Variants in RAPGEF1 observed in about 807,000 individuals in gnomAD.
RAPGEF1 encodes the protein CRK SH3-binding GNRP.
Under a neutral mutation model 143.3 loss-of-function variants are expected in RAPGEF1, and 33 were observed. That is an observed-to-expected ratio of 0.23 (90% CI 0.17 to 0.31). RAPGEF1 has a LOEUF of 0.31. RAPGEF1 is among the 10% of genes least tolerant of loss of function. The pLI, the probability that RAPGEF1 is intolerant of heterozygous loss-of-function variation, is 1.00. For missense variants in RAPGEF1, 1,199 were observed against 1,645.4 expected (o/e 0.73, Z 4.69); for synonymous variants, 629 against 676.5 (o/e 0.93, Z 1.09).
At chr9:131,586,759 GTC>G (rs1564454887) in intron 22 of RAPGEF1, among the ~76,000 whole-genome samples, 42 of 77,516 alleles carry the variant, frequency 5.4e-4, no homozygotes, top group East Asian at 2.4e-3. Flanking sequence ...GCGAGACTCC[GTC>G]TCACACACAC....
chr9:131,581,295 G>A (rs1334698917), intron 25 of RAPGEF1, among the ~76,000 whole-genome samples: 2 of 152,114 alleles, frequency 1.3e-5, no homozygotes, highest in African/African-American at 2.4e-5. Context: ...TAAGGAGACC[G>A]ATGTGGGAGG....
rs1973119380 is a variant in RAPGEF1, at chr9:131,658,448, G to A, written c.62-7499C>T. Among the ~76,000 whole-genome samples the A allele has an allele frequency of 2.0e-5, 3 of 152,304 alleles. No individual in the cohort carries two copies. In the South Asian group the frequency reaches 6.2e-4, roughly 32 times the overall value. The stretch of plus-strand genomic sequence containing the variant: ...CTGAACTTGAGAACAGAAAGCCTCA[G>A]ACTCTTGCTCCATGTTACATTTACC... On this transcript the variant is annotated intron_variant, in intron 1 of 26. Coordinates refer to ENST00000683357, the MANE Select transcript of RAPGEF1 (RefSeq NM_001377935.1).
chr9:131,646,459 G>A (rs1361397618), intron 3 of RAPGEF1, among the ~76,000 whole-genome samples: 1 of 152,186 alleles, frequency 6.6e-6, no homozygotes, highest in African/African-American at 2.4e-5. Context: ...AATCCCCATC[G>A]CCTTTCCTGC....
intron 15 of RAPGEF1, among the ~76,000 whole-genome samples, chr9:131,599,341 T>C (rs1021723305): frequency 6.6e-6 from 1 of 151,892 alleles, no homozygotes; most frequent in Non-Finnish European, 1.5e-5. Context: ...AGGCTGGTCT[T>C]GATCTCCTGA....
In RAPGEF1 at chr9:131,739,762, C is replaced by T. The variant is rs998121695; in HGVS notation, c.61+8G>A. On this transcript the variant is annotated splice_region_variant and intron_variant, in intron 1 of 26. Coordinates refer to ENST00000683357, the MANE Select transcript of RAPGEF1 (RefSeq NM_001377935.1). Reference sequence around the variant, plus strand: ...GCCGGAGGGAGCCGCCCCACGCCCGCGCCTCACCTGCTTTCTCGATCTTGC... The same window carrying T: ...GCCGGAGGGAGCCGCCCCACGCCCGTGCCTCACCTGCTTTCTCGATCTTGC... 2.1e-5 allele frequency: 25 copies of T among 1,164,056 alleles called. No homozygotes were observed. The Admixed American group carries it at 6.9e-4, about 32-fold the overall frequency. The allele number at this position is 1,164,056 out of a possible 1,614,324, so 72.1% of individuals were successfully genotyped here.
intron 1 of RAPGEF1, among the ~76,000 whole-genome samples, chr9:131,687,499 A>G (rs2130983689): frequency 6.6e-6 from 1 of 152,254 alleles, no homozygotes; most frequent in East Asian, 1.9e-4. Flanking sequence ...CCGGCCTTGC[A>G]TAGAATTCCC....
chr9:131,724,813 T>C (rs1836534586), intron 1 of RAPGEF1, among the ~76,000 whole-genome samples: 1 of 152,216 alleles, frequency 6.6e-6, no homozygotes, highest in African/African-American at 2.4e-5. Flanking sequence ...TGTTCTCCCT[T>C]GTTGCAGAAA....
chr9:131,604,682 T>G (rs1277100074), intron 13 of RAPGEF1, among the ~76,000 whole-genome samples: 1 of 152,222 alleles, frequency 6.6e-6, no homozygotes, highest in Admixed American at 6.5e-5. Flanking sequence ...GATTCCTAGT[T>G]TGATAGAACT....
At chr9:131,706,707 G>T (rs1356994487) in intron 1 of RAPGEF1, among the ~76,000 whole-genome samples, 2 of 152,136 alleles carry the variant, frequency 1.3e-5, no homozygotes, top group African/African-American at 4.8e-5. Context: ...TCTTCAGCAG[G>T]ACACCATGCG....
At chr9:131,738,045 G>A (rs1837535584) in intron 1 of RAPGEF1, among the ~76,000 whole-genome samples, 1 of 152,024 alleles carries the variant, frequency 6.6e-6, no homozygotes, top group Non-Finnish European at 1.5e-5. Flanking sequence ...AAACTCCTGG[G>A]CTCAAGTGAT....
In RAPGEF1 at chr9:131,604,917, C is replaced by T. The variant is rs779576627; in HGVS notation, c.2319+14G>A. The stretch of plus-strand genomic sequence containing the variant: ...GTGTGTGTGTGTGTGTGTGTGTGCA[C>T]GCTGAGTTCTCACCGAGTCAGTGAA... On this transcript the variant is annotated intron_variant, in intron 13 of 26. Transcript: ENST00000683357. 4.4e-5 allele frequency: 57 copies of T among 1,293,330 alleles called. No homozygotes were observed. The highest frequency in any genetic ancestry group is 3.4e-4 in the South Asian group (27 of 80,294). 80.1% of individuals were successfully genotyped at this position (1,293,330 alleles called of 1,614,324 possible).
At chr9:131,639,252 T>G (rs1246617578) in intron 4 of RAPGEF1, among the ~76,000 whole-genome samples, 2 of 152,186 alleles carry the variant, frequency 1.3e-5, no homozygotes, top group Non-Finnish European at 2.9e-5. Context: ...TTAACAGTCA[T>G]GAGCTCAAAA....
rs1963109917 is a variant in RAPGEF1 at position 131,626,493 on chromosome 9, C to T, written c.1202-71G>A. On this transcript the variant is annotated intron_variant, in intron 9 of 26. Transcript: ENST00000683357. ...TGCAGGAGCAGCCAGCTCCCCCCGC[C>T]CGCCTCTCGCCGGCTCGCTCATGGG... 32 of 1,461,000 alleles carry T rather than the reference C, an allele frequency of 2.2e-5. No homozygotes were observed. In the Admixed American group the frequency reaches 3.2e-4, roughly 15 times the overall value. 90.5% of individuals were successfully genotyped at this position (1,461,000 alleles called of 1,614,324 possible). A position where few individuals can be genotyped will look rare whatever the true frequency, so the allele number is the denominator to read the frequency against.
intron 1 of RAPGEF1, among the ~76,000 whole-genome samples, chr9:131,725,925 A>T (rs1836632907): frequency 6.6e-6 from 1 of 151,572 alleles, no homozygotes; most frequent in Non-Finnish European, 1.5e-5. Context: ...TGCCCAGCTA[A>T]TTTTTTGTAT....
chr9:131,619,554 C>T (rs1013616370), intron 11 of RAPGEF1, among the ~76,000 whole-genome samples: 1 of 152,156 alleles, frequency 6.6e-6, no homozygotes. Flanking sequence ...GTCATTCACA[C>T]GTCTTCAGAA....
At chr9:131,586,306 TCAAA>T (rs1377462086) in intron 22 of RAPGEF1, among the ~76,000 whole-genome samples, 3 of 61,758 alleles carry the variant, frequency 4.9e-5, no homozygotes, top group Non-Finnish European at 9.3e-5. Context: ...AGACTCCGTC[TCAAA>T]CACACACACA....
chr9:131,718,578 C>T (rs1019715701), intron 1 of RAPGEF1, among the ~76,000 whole-genome samples: 2 of 152,062 alleles, frequency 1.3e-5, no homozygotes, highest in Non-Finnish European at 2.9e-5. Context: ...CAGGGGTTTA[C>T]CGAGGGACTG....
chr9:131,735,821 T>C (rs1363359248), intron 1 of RAPGEF1, among the ~76,000 whole-genome samples: 7 of 152,194 alleles, frequency 4.6e-5, no homozygotes. Flanking sequence ...CCAGAGATTC[T>C]CATTTTTCAA....
At chr9:131,615,951 C>T (rs1046798599) in intron 12 of RAPGEF1, among the ~76,000 whole-genome samples, 3 of 152,136 alleles carry the variant, frequency 2.0e-5, no homozygotes, top group Admixed American at 2.0e-4. Context: ...TATCTTAAGA[C>T]TCCCATATAT....
Sources: gnomAD v4.1 joint callset for allele counts (sites outside exome capture counted in the v4.1 genomes callset) on GRCh38, gnomAD v4.1.1 for gene constraint, MANE v1.5 for transcripts, NCBI Gene and HGNC (gene_info 2026-07-23, HGNC 2026-07-21) for gene names.